The following CEP162 variants were observed in gnomAD, a reference collection of about 807,000 sequenced individuals.
CEP162 encodes centrosomal protein of 162 kDa.
Under a neutral mutation model 169.2 loss-of-function variants are expected in CEP162, and 141 were observed. The ratio of observed to expected loss-of-function variants is 0.83; its 90% CI spans 0.73 to 0.96. The LOEUF is 0.96. CEP162 is among the 40% of genes least tolerant of loss of function. CEP162 has a pLI of 0.00. For missense variants in CEP162, 1,600 were observed against 1,587.2 expected (o/e 1.01, Z -0.14); for synonymous variants, 540 against 526.4 (o/e 1.03, Z -0.35).
At chr6:84,162,053 A>G in intron 19 of CEP162, 144 bp from the exon 20 acceptor site, 1 of 594,898 alleles carries the variant, frequency 1.7e-6, no homozygotes, top group Non-Finnish European at 2.9e-6. Context: ...ACTGATGTAT[A>G]CAACATAGTG....
In CEP162 at chr6:84,130,828, T is replaced by G. The variant is rs537159859; in HGVS notation, c.3871-4316A>C. ...AGCTCCTGAATTCACTGATTTTTTT[T>G]GAAAGGTTTCTTGTGTCTCTATCTC... On this transcript the variant is annotated intron_variant, in intron 25 of 26. Coordinates refer to ENST00000403245, the MANE Select transcript of CEP162 (RefSeq NM_014895.4). 1.5e-4 allele frequency among the ~76,000 whole-genome samples: 23 copies of G among 152,312 alleles called. No homozygotes were observed. In the South Asian group the frequency reaches 3.7e-3, roughly 25 times the overall value.
At chr6:84,220,625 G>A (rs1408740323) in intron 3 of CEP162, among the ~76,000 whole-genome samples, 1 of 152,072 alleles carries the variant, frequency 6.6e-6, no homozygotes, top group Non-Finnish European at 1.5e-5. Context: ...ATATATATGA[G>A]AGACATATAT....
chr6:84,158,978 G>A (rs528236469), intron 21 of CEP162, among the ~76,000 whole-genome samples: 47 of 151,174 alleles, frequency 3.1e-4, no homozygotes, highest in African/African-American at 8.7e-4. Flanking sequence ...AATAAAAAAA[G>A]CACAAACACA....
rs1295780607 is a variant in CEP162, at chr6:84,152,601, ATTC to A, written c.3570_3572del (p.Lys1190del). On this transcript the variant is annotated inframe_deletion, in exon 23 of 27. Transcript: ENST00000403245. ...CTGCTTCAGATTTCATCTTCAGTTC[ATTC>A]TTCTCTGAAATTAATCCTTCTAGCT... 1.6e-5 allele frequency: 25 copies of A among 1,557,420 alleles called. No individual in the cohort carries two copies. The highest frequency in any genetic ancestry group is 2.2e-5 in the Non-Finnish European group (25 of 1,150,114).
rs553310730 is a variant in CEP162, at chr6:84,201,722, A to C, written c.718+15T>G. 2.4e-6 allele frequency: 3 copies of C among 1,251,190 alleles called. No individual in the cohort carries two copies. The African/African-American group carries it at 4.6e-5, about 19-fold the overall frequency. The allele number at this position is 1,251,190 out of a possible 1,614,324, so 77.5% of individuals were successfully genotyped here. On this transcript the variant is annotated intron_variant, in intron 8 of 26. Coordinates refer to ENST00000403245, the MANE Select transcript of CEP162 (RefSeq NM_014895.4). ...ATTTTTTGCCAACTAAAACATGAAT[A>C]TAAATAATATTTACCATTAGCAAGC...
rs746341054 is a variant in CEP162 at position 84,126,468 on chromosome 6, A to G, written c.3915T>C (p.His1305=). The G allele has an allele frequency of 1.3e-6, 2 of 1,576,024 alleles. No individual in the cohort carries two copies. Among genetic ancestry groups the G allele is most frequent in the South Asian group, 1.2e-5 (1 of 85,884 alleles). The change falls in exon 26 of 27, where the codon CAT becomes CAC. Residue 1305 remains histidine (H), a synonymous_variant. Coordinates refer to ENST00000403245, the MANE Select transcript of CEP162 (RefSeq NM_014895.4). The part of the protein sequence containing the change: ...LEELREAKEN[H]TPEMKHFVGL... ...CCACGAAATGTTTCATCTCTGGTGT[A>G]TGGTTTTCTTTGGCTTCTCTCAATT...
intron 24 of CEP162, 106 bp downstream of exon 24, chr6:84,149,456 G>C (rs966981094): frequency 2.4e-6 from 2 of 819,314 alleles, no homozygotes; most frequent in African/African-American, 1.7e-5. Context: ...CTATCACCAA[G>C]CTGAAAAAGT....
At chr6:84,190,902 C>T (rs955678241) in intron 11 of CEP162, among the ~76,000 whole-genome samples, 2 of 152,130 alleles carry the variant, frequency 1.3e-5, no homozygotes, top group African/African-American at 4.8e-5. Flanking sequence ...AGGATGGTCT[C>T]GATCTCTTGA....
intron 6 of CEP162, among the ~76,000 whole-genome samples, chr6:84,205,146 C>T (rs2099546311): frequency 6.6e-6 from 1 of 152,160 alleles, no homozygotes; most frequent in Non-Finnish European, 1.5e-5. Context: ...ACCAGAGGTA[C>T]AAAGAGGAGC....
At chr6:84,202,047 T>A (rs1426903946) in intron 7 of CEP162, among the ~76,000 whole-genome samples, 2 of 152,226 alleles carry the variant, frequency 1.3e-5, no homozygotes, top group African/African-American at 4.8e-5. Context: ...TTAAGTTCCA[T>A]TTGCTCATCT....
chr6:84,173,929 C>G, intron 16 of CEP162, 119 bp downstream of exon 16: 2 of 729,660 alleles, frequency 2.7e-6, no homozygotes, highest in East Asian at 2.9e-5. Flanking sequence ...AGGTGATCCG[C>G]CCACCTCATC....
At chr6:84,213,148 C>T in intron 5 of CEP162, 124 bp from the exon 6 acceptor site, 1 of 511,298 alleles carries the variant, frequency 2.0e-6, no homozygotes, top group Non-Finnish European at 3.3e-6. Context: ...TCCTTTTGTT[C>T]TATCAAAAGC....
intron 23 of CEP162, 43 bp downstream of exon 23, chr6:84,152,497 TTTATC>T: frequency 4.6e-6 from 5 of 1,089,020 alleles, no homozygotes; most frequent in Non-Finnish European, 6.2e-6. Flanking sequence ...TTTTTCTATT[TTTATC>T]TTTTTATTTT....
intron 22 of CEP162, among the ~76,000 whole-genome samples, chr6:84,153,552 C>G (rs921726433): frequency 2.0e-5 from 3 of 152,142 alleles, no homozygotes; most frequent in African/African-American, 7.2e-5. Context: ...CAACTGGGGG[C>G]ACTGAAGTCT....
rs1370965760 is a variant in CEP162, at chr6:84,125,096, CT to C, written c.4185del (p.Asp1396MetfsTer3). On this transcript the variant is annotated frameshift_variant, in exon 27 of 27. Transcript: ENST00000403245. LOFTEE classifies it high-confidence loss of function. ...RQGVVVPVAF[A>X]DEMNAPEY Reference sequence around the variant, plus strand: ...TAATACTCTGGTGCATTCATTTCATCTGCAAAAGCAACTGGCACAACCACTC... The same window carrying C: ...TAATACTCTGGTGCATTCATTTCATCGCAAAAGCAACTGGCACAACCACTC... 1 of 1,612,820 alleles carries C rather than the reference CT, an allele frequency of 6.2e-7. No homozygotes were observed. The highest frequency in any genetic ancestry group is 8.5e-7 in the Non-Finnish European group (1 of 1,179,386).
At position 84,125,874 on chromosome 6, in the gene CEP162, A is replaced by G. The variant is rs559447781; in HGVS notation, c.4005+504T>C. The stretch of plus-strand genomic sequence containing the variant: ...GTTATGTCAGCCCAAGCAGACTAAT[A>G]CACTGTTCAAACCAAGTTAAATTTC... On this transcript the variant is annotated intron_variant, in intron 26 of 26. Transcript: ENST00000403245. Among the ~76,000 whole-genome samples, 10 of 152,290 alleles carry G rather than the reference A, an allele frequency of 6.6e-5. No homozygotes were observed. The South Asian group carries it at 2.1e-3, about 32-fold the overall frequency.
intron 9 of CEP162, among the ~76,000 whole-genome samples, chr6:84,198,837 C>G (rs2099543260): frequency 6.6e-6 from 1 of 152,094 alleles, no homozygotes; most frequent in East Asian, 1.9e-4. Context: ...TAGAAGTACT[C>G]ATTATCCAAT....
intron 25 of CEP162, among the ~76,000 whole-genome samples, chr6:84,143,036 T>C (rs2099517341): frequency 6.6e-6 from 1 of 152,108 alleles, no homozygotes; most frequent in Non-Finnish European, 1.5e-5. Context: ...ATAATTACTA[T>C]GTTTTATGTT....
intron 3 of CEP162, among the ~76,000 whole-genome samples, 197 bp downstream of exon 3, chr6:84,220,860 A>T (rs942690664): frequency 3.9e-5 from 6 of 152,208 alleles, no homozygotes; most frequent in African/African-American, 1.4e-4. Flanking sequence ...TAAGCTGATA[A>T]TGTTATAACG....
Sources: gnomAD v4.1 joint callset for allele counts (sites outside exome capture counted in the v4.1 genomes callset) on GRCh38, gnomAD v4.1.1 for gene constraint, MANE v1.5 for transcripts, NCBI Gene and HGNC (gene_info 2026-07-23, HGNC 2026-07-21) for gene names.